The following ERO1B variants were observed in gnomAD, a reference collection of about 807,000 sequenced individuals.
ERO1B encodes the protein endoplasmic reticulum oxidoreductase 1 beta.
Under a neutral mutation model 75.3 loss-of-function variants are expected in ERO1B, and 49 were observed. That is an observed-to-expected ratio of 0.65 (90% CI 0.52 to 0.83). ERO1B has a LOEUF of 0.83. Among genes scored for constraint, ERO1B ranks in the 40% least tolerant of loss-of-function variants. ERO1B has a pLI of 0.00. For missense variants in ERO1B, 512 were observed against 560.1 expected (o/e 0.91, Z 0.87); for synonymous variants, 191 against 192.9 (o/e 0.99, Z 0.08).
At chr1:236,245,297 A>T (rs10924855) in intron 5 of ERO1B, among the ~76,000 whole-genome samples, 5,528 of 32,654 alleles carry the variant, frequency 0.17, 275 homozygotes, top group East Asian at 0.45. Flanking sequence ...GCCCAGTCAA[A>T]ATATATATAT....
chr1:236,235,500 T>A (rs981868962), intron 8 of ERO1B, among the ~76,000 whole-genome samples: 1 of 152,170 alleles, frequency 6.6e-6, no homozygotes, highest in African/African-American at 2.4e-5. Context: ...TTTTAATAAG[T>A]CCCCAGGAAA....
At chr1:236,252,978 T>C (rs3754244) in intron 3 of ERO1B, among the ~76,000 whole-genome samples, 18,007 of 151,968 alleles carry the variant, frequency 0.12, 1,158 homozygotes, top group Admixed American at 0.19. Context: ...TAAATGTAAA[T>C]GTAACAAGGC....
chr1:236,243,445 C>G lies in ERO1B; in HGVS notation c.482G>C (p.Arg161Pro), dbSNP rs148942336. 6.2e-7 allele frequency: 1 copy of G among 1,603,778 alleles called. No individual in the cohort carries two copies. Among genetic ancestry groups the G allele is most frequent in the Non-Finnish European group, 8.5e-7 (1 of 1,174,518 alleles). ...ACCATCAAGTTCACAAAAGTGATCC[C>G]GTGAATCATCATATCTTGCCCAGTC... The part of the protein sequence containing the change: ...FIDWARYDDS[R>P]DHFCELDDER... The change falls in exon 6 of 16, where the codon CGG becomes CCG. Residue 161 changes from arginine to proline, a missense_variant. Physicochemically the swap from Arg to Pro is moderately radical, Grantham distance 103. Transcript: ENST00000354619.
intron 6 of ERO1B, among the ~76,000 whole-genome samples, chr1:236,237,706 GTC>G (rs1189621238): frequency 2.6e-5 from 4 of 152,160 alleles, no homozygotes; most frequent in Admixed American, 2.0e-4. Context: ...GTCATTAAAT[GTC>G]TCTCTTTCAT....
chr1:236,258,546 G>A (rs2477595), intron 2 of ERO1B, among the ~76,000 whole-genome samples: 1 of 151,978 alleles, frequency 6.6e-6, no homozygotes. Context: ...AATGCTAAAA[G>A]GATCCTTCAA....
intron 5 of ERO1B, among the ~76,000 whole-genome samples, chr1:236,244,875 A>G (rs10924853): frequency 0.069 from 10,442 of 152,202 alleles, 744 homozygotes; most frequent in East Asian, 0.39. Flanking sequence ...AATTTCTTGG[A>G]CTTAACTCAG....
chr1:236,220,819 TA>T lies in ERO1B; in HGVS notation c.1343+12del. ...TGGGAAATCAAAAATCTTCAACATA[TA>T]ATGGTTCTTACCTTCCAAAAGCATT... On this transcript the variant is annotated intron_variant, in intron 15 of 15. Transcript: ENST00000354619. The T allele has an allele frequency of 2.6e-6, 4 of 1,560,356 alleles. No individual in the cohort carries two copies. In the South Asian group the frequency reaches 3.8e-5, roughly 15 times the overall value.
At chr1:236,246,065 A>G (rs988961086) in intron 5 of ERO1B, among the ~76,000 whole-genome samples, 1 of 152,230 alleles carries the variant, frequency 6.6e-6, no homozygotes, top group African/African-American at 2.4e-5. Context: ...CACTACTAGT[A>G]GCAATATAAT....
chr1:236,262,787 G>C (rs923547974), intron 2 of ERO1B, among the ~76,000 whole-genome samples: 1 of 152,138 alleles, frequency 6.6e-6, no homozygotes, highest in Non-Finnish European at 1.5e-5. Flanking sequence ...GACTGTGGTA[G>C]ACACTGTAAC....
chr1:236,245,018 AG>A (rs1421970727), intron 5 of ERO1B, among the ~76,000 whole-genome samples: 1 of 151,786 alleles, frequency 6.6e-6, no homozygotes, highest in Non-Finnish European at 1.5e-5. Context: ...TTTTTGAGAC[AG>A]GGTCTCACTG....
chr1:236,270,064 T>C lies in ERO1B; in HGVS notation c.103-70A>G. ...ACCTTAACAAATCTACACTATTATA[T>C]AAAAATGTAATTTATTCATTCAAGT... On this transcript the variant is annotated intron_variant, in intron 1 of 15. Transcript: ENST00000354619. 2.7e-6 allele frequency: 3 copies of C among 1,100,270 alleles called. No individual in the cohort carries two copies. The Middle Eastern group carries it at 8.7e-4, about 318-fold the overall frequency. 68.2% of individuals were successfully genotyped at this position (1,100,270 alleles called of 1,614,324 possible).
At position 236,249,763 on chromosome 1, in the gene ERO1B, T is replaced by G; in HGVS notation, c.431+122A>C. 2 of 672,376 alleles carry G rather than the reference T, an allele frequency of 3.0e-6. 1 individual carries two copies. The highest frequency in any genetic ancestry group is 4.7e-5 in the South Asian group (2 of 42,476). The allele number at this position is 672,376 out of a possible 1,614,324, so 41.7% of individuals were successfully genotyped here. A position where few individuals can be genotyped will look rare whatever the true frequency, so the allele number is the denominator to read the frequency against. On this transcript the variant is annotated intron_variant, in intron 5 of 15. Coordinates refer to ENST00000354619, the MANE Select transcript of ERO1B (RefSeq NM_019891.4). Reference sequence around the variant, plus strand: ...TTTAGGATAAAGAAAAACTTTTTCTTCCTTTTAAAAATATATTAGTTAAAA... The same window carrying G: ...TTTAGGATAAAGAAAAACTTTTTCTGCCTTTTAAAAATATATTAGTTAAAA...
chr1:236,235,174 G>A (rs1323560834), intron 8 of ERO1B, among the ~76,000 whole-genome samples: 2 of 152,190 alleles, frequency 1.3e-5, no homozygotes, highest in African/African-American at 2.4e-5. Flanking sequence ...CAGATATAGA[G>A]CACTGCTAAA....
chr1:236,220,598 T>C, intron 15 of ERO1B: 1 of 301,932 alleles, frequency 3.3e-6, no homozygotes, highest in Non-Finnish European at 6.0e-6. Context: ...ATATCTCCCT[T>C]ACAAAATTAA....
intron 14 of ERO1B, 94 bp downstream of exon 14, chr1:236,221,830 C>T (rs929490068): frequency 1.1e-6 from 1 of 936,214 alleles, no homozygotes; most frequent in Admixed American, 2.6e-5. Flanking sequence ...AATTCTAATT[C>T]AATGAACAAT....
chr1:236,227,902 T>C (rs1664316017), intron 10 of ERO1B, among the ~76,000 whole-genome samples: 1 of 152,208 alleles, frequency 6.6e-6, no homozygotes, highest in Non-Finnish European at 1.5e-5. Context: ...GAATTTTATT[T>C]TGTAGCTTCC....
At chr1:236,240,096 G>A (rs1375040956) in intron 6 of ERO1B, among the ~76,000 whole-genome samples, 1 of 151,192 alleles carries the variant, frequency 6.6e-6, no homozygotes, top group Non-Finnish European at 1.5e-5. Flanking sequence ...GTAGAGGCAG[G>A]GTTTTGCCAT....
At chr1:236,224,281 G>T (rs1292764297) in intron 13 of ERO1B, among the ~76,000 whole-genome samples, 1 of 151,916 alleles carries the variant, frequency 6.6e-6, no homozygotes, top group Non-Finnish European at 1.5e-5. Context: ...AAACTACCCG[G>T]ATTTCAGAAG....
chr1:236,281,652 G>A (rs1202247217), intron 1 of ERO1B, 30 bp downstream of exon 1: 3 of 1,371,322 alleles, frequency 2.2e-6, no homozygotes, highest in African/African-American at 1.5e-5. Context: ...TTCGGCCGGG[G>A]GTTCCCGGCC....
Sources: gnomAD v4.1 joint callset for allele counts (sites outside exome capture counted in the v4.1 genomes callset) on GRCh38, gnomAD v4.1.1 for gene constraint, MANE v1.5 for transcripts, NCBI Gene and HGNC (gene_info 2026-07-23, HGNC 2026-07-21) for gene names.